The following LINGO2 variants were observed in gnomAD, a reference collection of about 807,000 sequenced individuals.
The protein encoded by LINGO2 is leucine-rich repeat and immunoglobulin-like domain-containing nogo receptor-interacting protein 2.
In LINGO2, 14 loss-of-function variants were observed where a neutral mutation model predicts 30.6. The ratio of observed to expected loss-of-function variants is 0.46; its 90% CI spans 0.30 to 0.72. The LOEUF is 0.72. LINGO2 is among the 30% of genes least tolerant of loss of function. The pLI, the probability that LINGO2 is intolerant of heterozygous loss-of-function variation, is 0.07. For missense variants in LINGO2, 729 were observed against 751.7 expected, an observed-to-expected ratio of 0.97 and a Z score of 0.35; for synonymous variants, 317 against 288.5, an observed-to-expected ratio of 1.10 and a Z score of -1.00.
chr9:29,130,835 G>C, the LINGO2 span, among the ~76,000 whole-genome samples: 29 of 152,090 alleles, frequency 1.9e-4, no homozygotes, highest in South Asian at 5.4e-3. Flanking sequence ...AGTGGTGCTG[G>C]TCATGCCTTC....
chr9:28,502,303 A>G (rs1819925328), intron 1 of LINGO2, among the ~76,000 whole-genome samples: 1 of 151,776 alleles, frequency 6.6e-6, no homozygotes, highest in Admixed American at 6.6e-5. Context: ...TTTATGTGCT[A>G]CTCCTTAAAT....
chr9:28,685,409 C>T, the LINGO2 span, among the ~76,000 whole-genome samples: 1 of 152,056 alleles, frequency 6.6e-6, no homozygotes, highest in Admixed American at 6.6e-5. Flanking sequence ...TACACTGTAA[C>T]AAAAAATAGA....
At chr9:28,384,743 T>C (rs2134651329) in intron 2 of LINGO2, among the ~76,000 whole-genome samples, 1 of 152,150 alleles carries the variant, frequency 6.6e-6, no homozygotes, top group South Asian at 2.1e-4. Flanking sequence ...TCCCCTAAGA[T>C]TTTAAACAAT....
At chr9:28,452,681 G>C (rs1381607168) in intron 2 of LINGO2, among the ~76,000 whole-genome samples, 2 of 151,810 alleles carry the variant, frequency 1.3e-5, no homozygotes, top group Non-Finnish European at 2.9e-5. Context: ...GATTACATCT[G>C]TTGGTCAAGG....
chr9:29,140,211 T>C, the LINGO2 span, among the ~76,000 whole-genome samples: 2 of 151,836 alleles, frequency 1.3e-5, no homozygotes, highest in South Asian at 2.1e-4. Context: ...TGGGACAAAA[T>C]AAATCTCCAG....
chr9:28,670,640 G>T (rs543306894), upstream of LINGO2, among the ~76,000 whole-genome samples: 1 of 152,206 alleles, frequency 6.6e-6, no homozygotes, highest in East Asian at 1.9e-4. Context: ...TAGTCATGAT[G>T]CTAAGTTATA....
intron 3 of LINGO2, among the ~76,000 whole-genome samples, chr9:28,312,418 A>G (rs1192900570): frequency 6.6e-6 from 1 of 152,064 alleles, no homozygotes; most frequent in African/African-American, 2.4e-5. Context: ...TGGAAATCAA[A>G]TTATTAAAAT....
At chr9:28,031,465 A>T (rs1587728185) in intron 4 of LINGO2, among the ~76,000 whole-genome samples, 1 of 148,336 alleles carries the variant, frequency 6.7e-6, no homozygotes, top group African/African-American at 2.5e-5. Context: ...AATCAATCTA[A>T]TTGAATCCAT....
chr9:28,328,542 A>G (rs1164912333), intron 3 of LINGO2, among the ~76,000 whole-genome samples: 3 of 143,614 alleles, frequency 2.1e-5, no homozygotes. Flanking sequence ...AGATTTTTTA[A>G]AAAGTCCATC....
intron 2 of LINGO2, among the ~76,000 whole-genome samples, chr9:28,417,300 A>C (rs1286645254): frequency 6.6e-6 from 1 of 152,202 alleles, no homozygotes; most frequent in Non-Finnish European, 1.5e-5. Context: ...TTTTCCTTTA[A>C]AGACATTATG....
the LINGO2 span, among the ~76,000 whole-genome samples, chr9:29,022,829 T>C: frequency 6.6e-6 from 1 of 152,136 alleles, no homozygotes. Flanking sequence ...GCATTGTTAC[T>C]CTCTTCGTAC....
the LINGO2 span, among the ~76,000 whole-genome samples, chr9:29,004,429 G>A: frequency 2.0e-5 from 3 of 151,870 alleles, no homozygotes; most frequent in South Asian, 2.1e-4. Flanking sequence ...GGTATATAGT[G>A]TATTGAGAAA....
intron 2 of LINGO2, among the ~76,000 whole-genome samples, chr9:28,381,217 A>T (rs1821342479): frequency 6.6e-6 from 1 of 152,068 alleles, no homozygotes; most frequent in Non-Finnish European, 1.5e-5. Context: ...AAACAAAAAA[A>T]CAAAAACAAA....
At position 28,096,855 on chromosome 9, in the gene LINGO2, C is replaced by T. The variant is rs534251227; in HGVS notation, c.-86-84450G>A. On this transcript the variant is annotated intron_variant, in intron 4 of 5. Coordinates refer to ENST00000379992, the Ensembl canonical transcript of LINGO2. ...ACACAGATTGCTTCAAGAAATAGCCCTGAAGTGAGGCGAATTTTTAAAATG... is the reference window on the plus strand; with the variant it reads ...ACACAGATTGCTTCAAGAAATAGCCTTGAAGTGAGGCGAATTTTTAAAATG... 1.4e-4 allele frequency among the ~76,000 whole-genome samples: 21 copies of T among 152,198 alleles called. No individual in the cohort carries two copies. The South Asian group carries it at 4.1e-3, about 30-fold the overall frequency.
the LINGO2 span, among the ~76,000 whole-genome samples, chr9:28,814,472 A>T: frequency 6.6e-6 from 1 of 152,176 alleles, no homozygotes; most frequent in African/African-American, 2.4e-5. Flanking sequence ...TTCTGATGCC[A>T]TGTCTCTTGC....
the LINGO2 span, among the ~76,000 whole-genome samples, chr9:28,758,762 C>T: frequency 4.6e-5 from 7 of 152,070 alleles, no homozygotes; most frequent in Admixed American, 2.0e-4. Flanking sequence ...TGTATTTATT[C>T]GCCATCCCAG....
intron 4 of LINGO2, among the ~76,000 whole-genome samples, chr9:28,051,528 G>T (rs1033549581): frequency 6.6e-6 from 1 of 152,044 alleles, no homozygotes; most frequent in Non-Finnish European, 1.5e-5. Flanking sequence ...ACCTTGCACT[G>T]GAGACACAGC....
chr9:28,839,914 C>T, the LINGO2 span, among the ~76,000 whole-genome samples: 51 of 152,162 alleles, frequency 3.4e-4, no homozygotes, highest in Non-Finnish European at 1.0e-4. Flanking sequence ...TCCCTCAGCA[C>T]CCCCTCATCC....
intron 3 of LINGO2, among the ~76,000 whole-genome samples, chr9:28,306,848 T>C (rs937104223): frequency 3.3e-5 from 5 of 152,110 alleles, no homozygotes; most frequent in Non-Finnish European, 7.4e-5. Flanking sequence ...ATAAATTCCT[T>C]GACACATACA....
Sources: gnomAD v4.1 joint callset for allele counts (sites outside exome capture counted in the v4.1 genomes callset) on GRCh38, gnomAD v4.1.1 for gene constraint, MANE v1.5 for transcripts, NCBI Gene and HGNC (gene_info 2026-07-23, HGNC 2026-07-21) for gene names.